The following KCNIP4 variants were observed in gnomAD, a reference collection of about 807,000 sequenced individuals.
KCNIP4 encodes potassium voltage-gated channel interacting protein 4, also known as Kv channel-interacting protein 4.
KCNIP4 carries 12 observed loss-of-function variants against 34.0 expected under a neutral mutation model. That is an observed-to-expected ratio of 0.35 (90% CI 0.23 to 0.57). The LOEUF is 0.57. KCNIP4 is among the 20% of genes least tolerant of loss of function. The pLI is 0.83. For synonymous variants in KCNIP4, 124 were observed against 102.2 expected (o/e 1.21, Z -1.29); for missense variants, 238 against 311.7 (o/e 0.76, Z 1.78).
intron 1 of KCNIP4, among the ~76,000 whole-genome samples, chr4:20,959,068 G>T (rs939332136): frequency 6.6e-6 from 1 of 152,192 alleles, no homozygotes; most frequent in African/African-American, 2.4e-5. Flanking sequence ...TCCATTTACT[G>T]CCTGCTGGAG....
intron 1 of KCNIP4, among the ~76,000 whole-genome samples, chr4:21,114,459 T>C (rs1295392716): frequency 6.6e-6 from 1 of 152,152 alleles, no homozygotes; most frequent in East Asian, 1.9e-4. Context: ...TTCACTTTTT[T>C]CTTAAAAGTG....
intron 1 of KCNIP4, among the ~76,000 whole-genome samples, chr4:21,911,242 C>T (rs1728290222): frequency 6.6e-6 from 1 of 152,032 alleles, no homozygotes; most frequent in African/African-American, 2.4e-5. Context: ...GATAGCCAAC[C>T]CCTAACATCT....
chr4:21,342,784 C>T (rs188653640), intron 1 of KCNIP4, among the ~76,000 whole-genome samples: 2 of 151,998 alleles, frequency 1.3e-5, no homozygotes, highest in African/African-American at 2.4e-5. Context: ...TACGTATATG[C>T]ACTTTTTTTT....
chr4:20,842,229 T>G (rs541229548), intron 3 of KCNIP4, among the ~76,000 whole-genome samples: 174 of 152,180 alleles, frequency 1.1e-3, no homozygotes, highest in African/African-American at 3.9e-3. Context: ...AAAAATATAT[T>G]GAAAGGAAGT....
chr4:21,571,013 T>C (rs1740328647), intron 1 of KCNIP4, among the ~76,000 whole-genome samples: 2 of 152,308 alleles, frequency 1.3e-5, no homozygotes, highest in East Asian at 1.9e-4. Flanking sequence ...TACATGCTTC[T>C]CCGTTTGAGA....
chr4:21,773,753 T>G (rs6817035), intron 1 of KCNIP4, among the ~76,000 whole-genome samples: 31 of 53,912 alleles, frequency 5.8e-4, no homozygotes, highest in African/African-American at 2.3e-3. Context: ...TTGTTTTTTT[T>G]TTTTTGTTTG....
At chr4:21,589,104 T>C (rs1332192584) in intron 1 of KCNIP4, among the ~76,000 whole-genome samples, 2 of 135,624 alleles carry the variant, frequency 1.5e-5, no homozygotes, top group Non-Finnish European at 3.1e-5. Context: ...GTCTAAGTAA[T>C]CAGTTAGGAT....
intron 1 of KCNIP4, among the ~76,000 whole-genome samples, chr4:20,980,463 T>C (rs944741572): frequency 6.6e-6 from 1 of 152,222 alleles, no homozygotes; most frequent in Non-Finnish European, 1.5e-5. Context: ...TCCTAAGTCA[T>C]GAATTTCAAT....
intron 3 of KCNIP4, among the ~76,000 whole-genome samples, chr4:20,847,546 C>A (rs1207578247): frequency 7.9e-6 from 1 of 126,392 alleles, no homozygotes; most frequent in Non-Finnish European, 1.9e-5. Flanking sequence ...CAGCTGCTCA[C>A]TTTTGAGACT....
chr4:20,857,321 G>A (rs1439164807), intron 2 of KCNIP4, among the ~76,000 whole-genome samples: 1 of 152,130 alleles, frequency 6.6e-6, no homozygotes, highest in Non-Finnish European at 1.5e-5. Context: ...AATTCTCATT[G>A]TGACTCAGCC....
At chr4:21,275,406 C>G (rs1762382433) in intron 1 of KCNIP4, among the ~76,000 whole-genome samples, 1 of 152,210 alleles carries the variant, frequency 6.6e-6, no homozygotes, top group South Asian at 2.1e-4. Context: ...GTCTATAAAA[C>G]AGGAAACCTC....
chr4:21,662,300 C>T (rs372924768), intron 1 of KCNIP4, among the ~76,000 whole-genome samples: 5 of 152,290 alleles, frequency 3.3e-5, no homozygotes, highest in African/African-American at 1.2e-4. Context: ...TTCATTTCTA[C>T]CAGATGTATT....
chr4:20,880,863 G>T (rs1345054613), intron 2 of KCNIP4, among the ~76,000 whole-genome samples: 2 of 152,110 alleles, frequency 1.3e-5, no homozygotes, highest in South Asian at 4.1e-4. Context: ...CTTCCAGGTT[G>T]CTGATGATGT....
chr4:20,749,953 A>C (rs1460130527), intron 4 of KCNIP4, among the ~76,000 whole-genome samples: 5 of 152,210 alleles, frequency 3.3e-5, no homozygotes, highest in African/African-American at 1.2e-4. Context: ...AACATTCTCT[A>C]TGAGTTTCTG....
intron 1 of KCNIP4, among the ~76,000 whole-genome samples, chr4:21,330,131 T>G (rs1715483125): frequency 6.6e-6 from 1 of 152,188 alleles, no homozygotes. Flanking sequence ...AATAGATAAT[T>G]TAAATGTGCA....
rs13129942 is a variant in KCNIP4 at position 21,482,872 on chromosome 4, T to C, written c.61+465699A>G. 2.8e-3 allele frequency among the ~76,000 whole-genome samples: 424 copies of C among 151,990 alleles called. 1 individual carries two copies. The highest frequency in any genetic ancestry group is 9.6e-3 in the African/African-American group (399 of 41,474). ...GAATGTTGGCCTGACTTGCTAGATA[T>C]AATGTGGCACATATACGCCATAGAA... On this transcript the variant is annotated intron_variant, in intron 1 of 8. Coordinates refer to ENST00000382152, the MANE Select transcript of KCNIP4 (RefSeq NM_025221.6).
intron 1 of KCNIP4, among the ~76,000 whole-genome samples, chr4:21,616,976 T>C (rs1003269561): frequency 6.6e-6 from 1 of 152,178 alleles, no homozygotes; most frequent in Non-Finnish European, 1.5e-5. Flanking sequence ...TTTAAATGAA[T>C]CAATGAAGGT....
chr4:20,748,585 TA>T (rs1752915731), intron 5 of KCNIP4, among the ~76,000 whole-genome samples: 2 of 93,610 alleles, frequency 2.1e-5, no homozygotes, highest in Non-Finnish European at 5.1e-5. Flanking sequence ...TATATATATA[TA>T]TATATATATA....
intron 1 of KCNIP4, among the ~76,000 whole-genome samples, chr4:21,691,735 T>C (rs1459896413): frequency 8.1e-6 from 1 of 123,086 alleles, no homozygotes; most frequent in Non-Finnish European, 1.6e-5. Flanking sequence ...AGTCTCACCC[T>C]GTTGCCCAGG....
Sources: gnomAD v4.1 joint callset for allele counts (sites outside exome capture counted in the v4.1 genomes callset) on GRCh38, gnomAD v4.1.1 for gene constraint, MANE v1.5 for transcripts, NCBI Gene and HGNC (gene_info 2026-07-23, HGNC 2026-07-21) for gene names.